Variants in DCHS2 observed in about 807,000 individuals in gnomAD.
DCHS2 encodes protocadherin-23.
DCHS2 carries 142 observed loss-of-function variants against 182.4 expected under a neutral mutation model. That is an observed-to-expected ratio of 0.78 (90% CI 0.68 to 0.89). The LOEUF (loss-of-function observed/expected upper bound fraction) is 0.89, where lower values mean the gene tolerates loss of function less well. DCHS2 is among the 40% of genes least tolerant of loss of function. The pLI is 0.00. For synonymous variants in DCHS2, 1,740 were observed against 1,663.3 expected (o/e 1.05, Z -1.12); for missense variants, 4,319 against 4,198.6 (o/e 1.03, Z -0.79).
In DCHS2 at chr4:154,298,312, G is replaced by C. The variant is rs1376017198; in HGVS notation, c.6002C>G (p.Ser2001Cys). 2 of 1,614,204 alleles carry C rather than the reference G, an allele frequency of 1.2e-6. No homozygotes were observed. The highest frequency in any genetic ancestry group is 1.7e-6 in the Non-Finnish European group (2 of 1,180,016). Residue 2001 changes from serine (S) to cysteine (C), a missense_variant, in exon 13 of 20, where the codon TCT becomes TGT. Ser to Cys is a moderately radical substitution (Grantham distance 112). Transcript: ENST00000357232. ...TSNTLDREAR[S>C]QHTFSAVARD... is the part of the protein sequence containing the mutation. ...GGCCACAGCACTAAATGTATGCTGA[G>C]ATCTGGCTTCACGGTCGAGGGTGTT... is the stretch of plus-strand genomic sequence containing the variant.
chr4:154,374,167 G>T, intron 2 of DCHS2: 2 of 511,200 alleles, frequency 3.9e-6, no homozygotes, highest in Non-Finnish European at 6.9e-6. Flanking sequence ...ATGAGCATTT[G>T]CAGGGGAGCT....
chr4:154,299,867 C>T (rs1356689502), intron 12 of DCHS2, among the ~76,000 whole-genome samples: 2 of 152,054 alleles, frequency 1.3e-5, no homozygotes, highest in African/African-American at 4.8e-5. Flanking sequence ...TATTAAAGTA[C>T]CATGTGAAAA....
intron 1 of DCHS2, among the ~76,000 whole-genome samples, chr4:154,420,198 A>G (rs1733045181): frequency 1.3e-5 from 2 of 152,042 alleles, no homozygotes; most frequent in Admixed American, 6.6e-5. Context: ...GAGAAAAAAA[A>G]GGAGTCAGAG....
At chr4:154,469,686 C>T (rs545554914) in intron 1 of DCHS2, among the ~76,000 whole-genome samples, 1 of 152,328 alleles carries the variant, frequency 6.6e-6, no homozygotes, top group South Asian at 2.1e-4. Flanking sequence ...AGTGGTCTTC[C>T]TTCTGTCCCT....
chr4:154,401,811 G>C (rs1304362287), intron 1 of DCHS2, among the ~76,000 whole-genome samples: 1 of 152,170 alleles, frequency 6.6e-6, no homozygotes, highest in Non-Finnish European at 1.5e-5. Context: ...TGGTCAACGT[G>C]GTGAAACCCC....
At position 154,232,339 on chromosome 4, in the gene DCHS2, A is replaced by AT. The variant is rs1731235436; in HGVS notation, c.*2196dup. ...CCACTTGTAGTACTTGTTTGGTGGC[A>AT]TTGTGGCACTGGATACAGACTGATA... On this transcript the variant is annotated 3_prime_UTR_variant, in exon 20 of 20. Coordinates refer to ENST00000357232, the MANE Select transcript of DCHS2 (RefSeq NM_001358235.2). The AT allele has an allele frequency of 6.6e-6, 1 of 152,296 alleles. No individual in the cohort carries two copies. Among genetic ancestry groups the AT allele is most frequent in the African/African-American group, 2.4e-5 (1 of 41,580 alleles). The allele number at this position is 152,296 out of a possible 1,614,324, so 9.4% of individuals were successfully genotyped here. A position where few individuals can be genotyped will look rare whatever the true frequency, so the allele number is the denominator to read the frequency against.
intron 1 of DCHS2, among the ~76,000 whole-genome samples, chr4:154,391,838 T>C (rs760175899): frequency 1.1e-4 from 17 of 152,182 alleles, no homozygotes; most frequent in African/African-American, 3.4e-4. Flanking sequence ...TGCTGAAAGC[T>C]AAAGCTCAAT....
chr4:154,258,070 C>T (rs1732785940), intron 15 of DCHS2, among the ~76,000 whole-genome samples: 1 of 152,226 alleles, frequency 6.6e-6, no homozygotes, highest in Non-Finnish European at 1.5e-5. Context: ...TGATCAGCCT[C>T]ACTGGGCAGG....
intron 3 of DCHS2, among the ~76,000 whole-genome samples, chr4:154,346,242 T>G (rs578016774): frequency 6.6e-6 from 1 of 152,278 alleles, no homozygotes; most frequent in African/African-American, 2.4e-5. Flanking sequence ...GTGTCAGAAC[T>G]CCAGATCAAA....
intron 1 of DCHS2, among the ~76,000 whole-genome samples, chr4:154,473,159 T>C (rs376235954): frequency 5.3e-5 from 8 of 152,144 alleles, no homozygotes; most frequent in African/African-American, 1.9e-4. Flanking sequence ...ATCCTCAGGC[T>C]AGGGTTACTT....
intron 10 of DCHS2, among the ~76,000 whole-genome samples, chr4:154,313,180 C>T (rs542550732): frequency 2.0e-5 from 3 of 152,258 alleles, no homozygotes; most frequent in Admixed American, 6.5e-5. Context: ...AGTGGGGCAC[C>T]CTTTCCTCTT....
intron 14 of DCHS2, 57 bp from the exon 15 acceptor site, chr4:154,259,813 TTTTTA>T: frequency 3.4e-6 from 5 of 1,473,130 alleles, no homozygotes; most frequent in Non-Finnish European, 4.5e-6. Flanking sequence ...ATTCTTTTAT[TTTTTA>T]TTTTATTTAT....
chr4:154,343,127 T>C (rs1297797099), intron 3 of DCHS2, among the ~76,000 whole-genome samples: 4 of 152,138 alleles, frequency 2.6e-5, no homozygotes, highest in East Asian at 1.9e-4. Flanking sequence ...GTCTCAACAG[T>C]GGGTTTAAAA....
chr4:154,472,313 G>A (rs950080888), intron 1 of DCHS2, among the ~76,000 whole-genome samples: 1 of 152,110 alleles, frequency 6.6e-6, no homozygotes, highest in African/African-American at 2.4e-5. Context: ...GGTTCCAATT[G>A]TTTCTTTTTA....
At chr4:154,438,970 T>C (rs1207381483) in intron 1 of DCHS2, among the ~76,000 whole-genome samples, 2 of 152,334 alleles carry the variant, frequency 1.3e-5, no homozygotes, top group East Asian at 1.9e-4. Flanking sequence ...TTGTTGAGTT[T>C]GTGGCTTTGT....
intron 1 of DCHS2, among the ~76,000 whole-genome samples, chr4:154,470,501 A>AT (rs1735418250): frequency 6.6e-6 from 1 of 150,956 alleles, no homozygotes; most frequent in Admixed American, 6.6e-5. Flanking sequence ...AAAAAAAAAA[A>AT]TGTCAAACAG....
chr4:154,323,278 T>C (rs1561041611), intron 7 of DCHS2: 2 of 1,549,540 alleles, frequency 1.3e-6, no homozygotes, highest in Admixed American at 2.0e-5. Context: ...TGTTTGTTTT[T>C]TGCACGACTG....
intron 4 of DCHS2, chr4:154,333,730 G>T: frequency 7.6e-6 from 4 of 529,156 alleles, no homozygotes; most frequent in Non-Finnish European, 1.0e-5. Flanking sequence ...ATTAAGTGCA[G>T]TAATATGCTG....
At chr4:154,375,675 T>C (rs1464032543) in intron 2 of DCHS2, among the ~76,000 whole-genome samples, 4 of 152,146 alleles carry the variant, frequency 2.6e-5, no homozygotes, top group African/African-American at 9.6e-5. Context: ...AGGCATTAAA[T>C]ATCAAACATT....
Sources: allele counts gnomAD v4.1 joint callset (sites outside exome capture counted in the v4.1 genomes callset), GRCh38; gene constraint gnomAD v4.1.1; transcripts MANE v1.5; gene names NCBI Gene and HGNC (gene_info 2026-07-23, HGNC 2026-07-21).